MCOLN1: variants seen among roughly 807,000 people sequenced by gnomAD.
The protein encoded by MCOLN1 is mucolipin-1.
Under a neutral mutation model 70.3 loss-of-function variants are expected in MCOLN1, and 50 were observed. The observed-to-expected ratio is 0.71, with a 90% CI of 0.57 to 0.90. The LOEUF (loss-of-function observed/expected upper bound fraction) is 0.90, where lower values mean the gene tolerates loss of function less well. Among genes scored for constraint, MCOLN1 ranks in the 40% least tolerant of loss-of-function variants. The pLI is 0.00. For missense variants in MCOLN1, 598 were observed against 803.5 expected (o/e 0.74, Z 3.09); for synonymous variants, 366 against 341.0 (o/e 1.07, Z -0.81).
intron 12 of MCOLN1, 54 bp downstream of exon 12, chr19:7,530,555 C>A: frequency 6.6e-7 from 1 of 1,506,426 alleles, no homozygotes; most frequent in Non-Finnish European, 9.1e-7. Flanking sequence ...CTGGAGTCTG[C>A]CATGAGGGGG....
At chr19:7,522,822 G>C in intron 1 of MCOLN1, 41 bp downstream of exon 1, 1 of 1,312,372 alleles carries the variant, frequency 7.6e-7, no homozygotes, top group African/African-American at 1.5e-5. Flanking sequence ...GAACTCAGGC[G>C]GGCGGGCTGT....
In MCOLN1 at chr19:7,524,528, C is replaced by A. The variant is rs771100761; in HGVS notation, c.32-433C>A. 1.3e-5 allele frequency among the ~76,000 whole-genome samples: 2 copies of A among 152,108 alleles called. No homozygotes were observed. The highest frequency in any genetic ancestry group is 2.9e-5 in the Non-Finnish European group (2 of 68,030). On this transcript the variant is annotated intron_variant, in intron 1 of 13. Transcript: ENST00000264079. The surrounding 1 kb of genome is among the most constrained non-coding windows in gnomAD (Gnocchi z 4.1). ...GCAGGCTTGAACGCCCAGTGAAAAGCCAGTGGGAGCAGTTCATTCTCTCCC... is the reference window on the plus strand; with the variant it reads ...GCAGGCTTGAACGCCCAGTGAAAAGACAGTGGGAGCAGTTCATTCTCTCCC...
chr19:7,522,878 G>C, intron 1 of MCOLN1, 97 bp downstream of exon 1: 1 of 1,129,152 alleles, frequency 8.9e-7, no homozygotes, highest in South Asian at 2.7e-5. Context: ...TTTTTTCTAA[G>C]CTCCAGCGCT....
chr19:7,523,597 A>T (rs544817144), intron 1 of MCOLN1, among the ~76,000 whole-genome samples: 27 of 152,338 alleles, frequency 1.8e-4, no homozygotes, highest in South Asian at 1.2e-3. Context: ...GCAGGAGGCC[A>T]GGCCCTAGAA....
intron 12 of MCOLN1, among the ~76,000 whole-genome samples, chr19:7,530,950 A>T (rs1206223639): frequency 6.6e-6 from 1 of 152,240 alleles, no homozygotes; most frequent in Non-Finnish European, 1.5e-5. Flanking sequence ...CGCATTGGTC[A>T]GGCTGGTCTC....
At chr19:7,522,840 A>G (rs996072334) in intron 1 of MCOLN1, 59 bp downstream of exon 1, 5 of 1,288,638 alleles carry the variant, frequency 3.9e-6, no homozygotes, top group Admixed American at 8.3e-5. Flanking sequence ...TGTGTCTCCC[A>G]CCTGGGGCGG....
Position 7,525,271 on chromosome 19 carries a change from C to G in MCOLN1, c.237+105C>G. ...CTTTGGAAGGCCGAGGCCGGTGGAT[C>G]GCTTGAGGCTGGGAGTTCAAGACCA... On this transcript the variant is annotated intron_variant, in intron 2 of 13. Coordinates refer to ENST00000264079, the MANE Select transcript of MCOLN1 (RefSeq NM_020533.3). The surrounding 1 kb of genome is among the most constrained non-coding windows in gnomAD (Gnocchi z 4.2). 9.6e-7 allele frequency: 1 copy of G among 1,041,088 alleles called. No individual in the cohort carries two copies. The highest frequency in any genetic ancestry group is 1.5e-6 in the Non-Finnish European group (1 of 686,426). 64.5% of individuals were successfully genotyped at this position (1,041,088 alleles called of 1,614,324 possible). A position where few individuals can be genotyped will look rare whatever the true frequency, so the allele number is the denominator to read the frequency against.
At chr19:7,529,533 A>G in intron 10 of MCOLN1, 57 bp from the exon 11 acceptor site, 1 of 462,474 alleles carries the variant, frequency 2.2e-6, no homozygotes, top group African/African-American at 3.3e-5. Flanking sequence ...CTGGGTGCCC[A>G]CAGCTGACCT....
At position 7,527,875 on chromosome 19, in the gene MCOLN1, T is replaced by G; in HGVS notation, c.692T>G (p.Val231Gly). Residue 231 changes from valine (V) to glycine (G), a missense_variant, in exon 6 of 14, where the codon GTC becomes GGC. Coordinates refer to ENST00000264079, the MANE Select transcript of MCOLN1 (RefSeq NM_020533.3). ...AGCCTCCTGCCTAGGCTGGTCAATG[T>G]CACCATCCACTTCCGGCTGAAGACC... is the stretch of plus-strand genomic sequence containing the variant. ...LTLKFHKLVN[V>G]TIHFRLKTIN... is the part of the protein sequence containing the mutation. The G allele has an allele frequency of 6.2e-7, 1 of 1,613,934 alleles. No individual in the cohort carries two copies.
rs1363356533 is a variant in MCOLN1, at chr19:7,529,023, T to C, written c.1134+53T>C. 1.9e-6 allele frequency: 3 copies of C among 1,613,690 alleles called. No individual in the cohort carries two copies. In the African/African-American group the frequency reaches 4.0e-5, roughly 22 times the overall value. On this transcript the variant is annotated intron_variant, in intron 9 of 13. Transcript: ENST00000264079. ...AGGTCCCATCCCTGCTGTCAGTGCC[T>C]ATCCGGGGCCATATCCTCCCCCAGG...
rs755113693 is a variant in MCOLN1, at chr19:7,533,857, G to A, written c.*62G>A. 3.1e-6 allele frequency: 5 copies of A among 1,592,254 alleles called. No individual in the cohort carries two copies. The highest frequency in any genetic ancestry group is 1.3e-5 in the African/African-American group (1 of 74,430). The stretch of plus-strand genomic sequence containing the variant: ...TGCAGAGACCCCCGCCCCCGACCCC[G>A]CTTATTTATTTGTAGGGTTTGCTTT... On this transcript the variant is annotated 3_prime_UTR_variant, in exon 14 of 14. Transcript: ENST00000264079.
Position 7,533,503 on chromosome 19 carries a change from C to G in MCOLN1, c.1576-20C>G. On this transcript the variant is annotated intron_variant, in intron 12 of 13. Transcript: ENST00000264079. ...GTTGGGAGCCACTTTCAGGCTGAGC[C>G]TCCCGGCTTCTCTCCCCAGCATCCC... is the stretch of plus-strand genomic sequence containing the variant. The G allele has an allele frequency of 2.5e-6, 4 of 1,610,302 alleles. No individual in the cohort carries two copies. In the Middle Eastern group the frequency reaches 6.7e-4, roughly 271 times the overall value.
At position 7,533,845 on chromosome 19, in the gene MCOLN1, GC is replaced by G. The variant is rs1373588763; in HGVS notation, c.*55del. 9 of 1,603,740 alleles carry G rather than the reference GC, an allele frequency of 5.6e-6. No individual in the cohort carries two copies. In the Admixed American group the frequency reaches 1.2e-4, roughly 21 times the overall value. ...TAGGCCCTGGACTGCAGAGACCCCC[GC>G]CCCCGACCCCGCTTATTTATTTGTA... is the stretch of plus-strand genomic sequence containing the variant. On this transcript the variant is annotated 3_prime_UTR_variant, in exon 14 of 14. Transcript: ENST00000264079.
chr19:7,526,480 C>G lies in MCOLN1; in HGVS notation c.279C>G (p.Phe93Leu). Reference sequence around the variant, plus strand: ...TCAGTAATCAGCTGGCTGTGACATTCCGGGAAGAGAACACCATCGCCTTCC... The same window carrying G: ...TCAGTAATCAGCTGGCTGTGACATTGCGGGAAGAGAACACCATCGCCTTCC... ...FGLSNQLAVT[F>L]REENTIAFRH... The change falls in exon 3 of 14, where the codon TTC (phenylalanine) becomes TTG (leucine). Residue 93 changes from phenylalanine (F) to leucine (L), a missense_variant. Coordinates refer to ENST00000264079, the MANE Select transcript of MCOLN1 (RefSeq NM_020533.3). This position sits in a 1 kb window ranked among gnomAD's most constrained non-coding sequence, Gnocchi z 4.6. 3 of 1,614,264 alleles carry G rather than the reference C, an allele frequency of 1.9e-6. No homozygotes were observed. Among genetic ancestry groups the G allele is most frequent in the Non-Finnish European group, 2.5e-6 (3 of 1,180,042 alleles).
chr19:7,527,271 CAAA>C (rs562144613), intron 4 of MCOLN1: 6,392 of 226,870 alleles, frequency 0.028, no homozygotes, highest in Non-Finnish European at 0.031. Context: ...GACCCTGTCT[CAAA>C]AAAAAAAAAA....
At chr19:7,533,397 G>C in intron 12 of MCOLN1, 126 bp from the exon 13 acceptor site, 1 of 1,288,010 alleles carries the variant, frequency 7.8e-7, no homozygotes, top group Non-Finnish European at 1.1e-6. Context: ...GGTGGAGCAG[G>C]CCCAGCAAGT....
At position 7,524,100 on chromosome 19, in the gene MCOLN1, C is replaced by T. The variant is rs1211678605; in HGVS notation, c.32-861C>T. ...CCTAGGCTGGATCCTCCCACCTTGGCCTCCCAAAGCCGTTGGGATAACAGG... is the reference window on the plus strand; with the variant it reads ...CCTAGGCTGGATCCTCCCACCTTGGTCTCCCAAAGCCGTTGGGATAACAGG... On this transcript the variant is annotated intron_variant, in intron 1 of 13. Transcript: ENST00000264079. The surrounding 1 kb of genome is among the most constrained non-coding windows in gnomAD (Gnocchi z 4.1). Among the ~76,000 whole-genome samples, 3 of 152,116 alleles carry T rather than the reference C, an allele frequency of 2.0e-5. No individual in the cohort carries two copies. The highest frequency in any genetic ancestry group is 2.0e-4 in the Admixed American group (3 of 15,274).
intron 12 of MCOLN1, 37 bp from the exon 13 acceptor site, chr19:7,533,486 C>T (rs1310494189): frequency 3.1e-6 from 5 of 1,608,854 alleles, no homozygotes; most frequent in Non-Finnish European, 4.2e-6. Flanking sequence ...AGGTTGGGAG[C>T]CACTTTCAGG....
chr19:7,529,515 A>AGGGGGGCCC, intron 10 of MCOLN1, 75 bp from the exon 11 acceptor site: 1 of 407,484 alleles, frequency 2.5e-6, no homozygotes, highest in Non-Finnish European at 4.0e-6. Flanking sequence ...CGCCCCTCCC[A>AGGGGGGCCC]CCCCCATCTG....
Sources: allele counts gnomAD v4.1 joint callset (sites outside exome capture counted in the v4.1 genomes callset), GRCh38; gene constraint gnomAD v4.1.1; non-coding constraint Gnocchi (gnomAD v3.1); transcripts MANE v1.5; gene names NCBI Gene and HGNC (gene_info 2026-07-23, HGNC 2026-07-21).